The following IQSEC1 variants were observed in gnomAD, a reference collection of about 807,000 sequenced individuals.
IQSEC1 encodes IQ motif and Sec7 domain ArfGEF 1.
A neutral mutation model predicts 91.0 loss-of-function variants in IQSEC1; 31 were observed. The ratio of observed to expected loss-of-function variants is 0.34; its 90% CI spans 0.26 to 0.46. The LOEUF is 0.46. IQSEC1 is among the 20% of genes least tolerant of loss of function. IQSEC1 has a pLI of 1.00. For synonymous variants in IQSEC1, 699 were observed against 662.6 expected, an observed-to-expected ratio of 1.05 and a Z score of -0.84; for missense variants, 1,388 against 1,575.6, an observed-to-expected ratio of 0.88 and a Z score of 2.02.
chr3:13,209,328 A>T (rs1694401998), intron 1 of IQSEC1, among the ~76,000 whole-genome samples: 1 of 152,130 alleles, frequency 6.6e-6, no homozygotes, highest in Non-Finnish European at 1.5e-5. Flanking sequence ...TCCCTCTCCA[A>T]TACGGTAAAT....
At chr3:12,964,015 C>T (rs1466897391) in intron 1 of IQSEC1, among the ~76,000 whole-genome samples, 2 of 152,226 alleles carry the variant, frequency 1.3e-5, no homozygotes, top group East Asian at 3.8e-4. Context: ...AGGCAGGCAT[C>T]GGGGTACTAG....
rs1166659846 is a variant in IQSEC1 at position 12,901,494 on chromosome 3, C to T, written c.2834G>A (p.Arg945His). Residue 945 changes from arginine (R) to histidine (H), a missense_variant, in exon 14 of 14, where the codon CGC (arginine) becomes CAC (histidine). By Grantham distance (29) the Arg-to-His change is conservative. This residue lies in a region of IQSEC1 where 329 missense variants were observed against 257.8 expected (regional missense o/e 1.28). Transcript: ENST00000613206. ...EGSIISSPHM[R>H]RRATSTRECP... ...CTCTCGTGTTGATGTAGCTCTCCGG[C>T]GCATGTGAGGACTGCTAATGATGGA... The T allele has an allele frequency of 9.7e-6, 15 of 1,549,794 alleles. No individual in the cohort carries two copies. Among genetic ancestry groups the T allele is most frequent in the East Asian group, 2.4e-5 (1 of 40,922 alleles).
chr3:13,162,830 G>A (rs1707202436), intron 2 of IQSEC1, among the ~76,000 whole-genome samples: 1 of 152,086 alleles, frequency 6.6e-6, no homozygotes, highest in South Asian at 2.1e-4. Flanking sequence ...ACCTCAGGCT[G>A]CAAGGGGCCT....
chr3:13,041,427 G>C (rs147165546), intron 1 of IQSEC1, among the ~76,000 whole-genome samples: 3 of 152,168 alleles, frequency 2.0e-5, no homozygotes, highest in African/African-American at 7.2e-5. Context: ...AAGAAGAAAA[G>C]CTCCCACACT....
chr3:13,033,807 C>T (rs998683866), intron 1 of IQSEC1, among the ~76,000 whole-genome samples: 1 of 152,174 alleles, frequency 6.6e-6, no homozygotes, highest in Non-Finnish European at 1.5e-5. Flanking sequence ...AAGAGGACCA[C>T]CCAGCCTGGG....
chr3:13,136,634 G>T (rs1191052702), intron 2 of IQSEC1, among the ~76,000 whole-genome samples: 1 of 152,192 alleles, frequency 6.6e-6, no homozygotes, highest in Non-Finnish European at 1.5e-5. Context: ...CCGAGAGGAG[G>T]AAACAGGGAC....
chr3:12,935,527 T>C lies in IQSEC1; in HGVS notation c.1489A>G (p.Asn497Asp), dbSNP rs1698087859. 4.3e-6 allele frequency: 7 copies of C among 1,614,086 alleles called. No individual in the cohort carries two copies. The highest frequency in any genetic ancestry group is 5.9e-6 in the Non-Finnish European group (7 of 1,179,966). ...SKQTYHKEAR[N>D]SWDSPAFSND... Reference sequence around the variant, plus strand: ...CTAAAGGCAGGCGAGTCCCAGCTGTTGCGGGCCTCCTTGTGGTAGGTCTGC... The same window carrying C: ...CTAAAGGCAGGCGAGTCCCAGCTGTCGCGGGCCTCCTTGTGGTAGGTCTGC... The change falls in exon 3 of 14, where the codon AAC becomes GAC. Residue 497 changes from asparagine (N) to aspartate (D), a missense_variant. Transcript: ENST00000613206. This position sits in a 1 kb window ranked among gnomAD's most constrained non-coding sequence, Gnocchi z 8.0.
At chr3:13,243,451 C>T (rs1435402471) in intron 1 of IQSEC1, among the ~76,000 whole-genome samples, 1 of 152,182 alleles carries the variant, frequency 6.6e-6, no homozygotes, top group East Asian at 1.9e-4. Context: ...TTTGAGAATA[C>T]ACTGCAGACA....
At position 13,211,125 on chromosome 3, in the gene IQSEC1, T is replaced by C. The variant is rs1694436959; in HGVS notation, c.273-46992A>G. ...GTGCAGTAAAGGTGTGTCGGATGAC[T>C]GAGTGATCTCCACCCTCATGGAGCT... On this transcript the variant is annotated intron_variant, in intron 1 of 15. Transcript: ENST00000648114. The surrounding 1 kb of genome is among the most constrained non-coding windows in gnomAD (Gnocchi z 5.3). 6.6e-6 allele frequency among the ~76,000 whole-genome samples: 1 copy of C among 152,212 alleles called. No individual in the cohort carries two copies. The highest frequency in any genetic ancestry group is 2.4e-5 in the African/African-American group (1 of 41,460).
chr3:13,269,819 T>C (rs2125143074), intron 1 of IQSEC1, among the ~76,000 whole-genome samples: 1 of 152,330 alleles, frequency 6.6e-6, no homozygotes, highest in East Asian at 1.9e-4. Flanking sequence ...CTCTGCAAAT[T>C]GTCCCTCCTT....
chr3:13,055,019 T>TGAGAAGGC (rs1037221653), intron 1 of IQSEC1, among the ~76,000 whole-genome samples: 2 of 152,124 alleles, frequency 1.3e-5, no homozygotes, highest in African/African-American at 4.8e-5. Flanking sequence ...TCCCAAGCCC[T>TGAGAAGGC]CAGAAGGCCA....
At chr3:13,141,423 C>T (rs905797962) in intron 2 of IQSEC1, among the ~76,000 whole-genome samples, 25 of 152,204 alleles carry the variant, frequency 1.6e-4, no homozygotes, top group African/African-American at 4.8e-4. Flanking sequence ...CCCGGGGAGT[C>T]CAGAGTGCCC....
chr3:12,957,287 A>G (rs1699968527), intron 1 of IQSEC1, among the ~76,000 whole-genome samples: 1 of 152,036 alleles, frequency 6.6e-6, no homozygotes. Flanking sequence ...TACTTTCTTC[A>G]TTAACCATTC....
chr3:13,010,985 C>CA (rs1237585102), intron 1 of IQSEC1, among the ~76,000 whole-genome samples: 2 of 152,234 alleles, frequency 1.3e-5, no homozygotes, highest in Admixed American at 1.3e-4. Flanking sequence ...GAAGCCTCCC[C>CA]ACACTTCCTC....
chr3:13,118,458 C>T (rs1340417093), intron 2 of IQSEC1, among the ~76,000 whole-genome samples: 3 of 152,172 alleles, frequency 2.0e-5, no homozygotes, highest in African/African-American at 7.2e-5. Context: ...TCCATATATA[C>T]AACAGAGTAT....
chr3:13,173,645 C>G (rs1036922211), intron 1 of IQSEC1, among the ~76,000 whole-genome samples: 2 of 152,176 alleles, frequency 1.3e-5, no homozygotes, highest in African/African-American at 4.8e-5. Context: ...TGCATGAGGA[C>G]CCCAACCCCC....
At position 12,922,306 on chromosome 3, in the gene IQSEC1, C is replaced by T. The variant is rs1210253201; in HGVS notation, c.1731-64G>A. ...GCAGGTGCGACACGCCCAGCCCACC[C>T]CCAGGTGGTGGTGCCTGAAGCCCTG... On this transcript the variant is annotated intron_variant, in intron 4 of 13. Transcript: ENST00000613206. This position sits in a 1 kb window ranked among gnomAD's most constrained non-coding sequence, Gnocchi z 5.1. 5.5e-6 allele frequency: 8 copies of T among 1,457,118 alleles called. No individual in the cohort carries two copies. The East Asian group carries it at 1.6e-4, about 28-fold the overall frequency. 90.3% of individuals were successfully genotyped at this position (1,457,118 alleles called of 1,614,324 possible).
At chr3:13,079,571 C>T (rs1705617306) in intron 2 of IQSEC1, among the ~76,000 whole-genome samples, 1 of 152,218 alleles carries the variant, frequency 6.6e-6, no homozygotes, top group African/African-American at 2.4e-5. Flanking sequence ...GAACATCCCA[C>T]CTTGGACCTG....
rs1051296671 is a variant in IQSEC1 at position 12,901,023 on chromosome 3, C to G, written c.3305G>C (p.Ser1102Thr). 2.6e-6 allele frequency: 4 copies of G among 1,510,340 alleles called. No individual in the cohort carries two copies. The highest frequency in any genetic ancestry group is 2.0e-5 in the Admixed American group (1 of 49,756). The allele number at this position is 1,510,340 out of a possible 1,614,324, so 93.6% of individuals were successfully genotyped here. A position where few individuals can be genotyped will look rare whatever the true frequency, so the allele number is the denominator to read the frequency against. ...GATGCCGCTGGGTTTGGCCTTGCTG[C>G]TGGTGGGGGGCGGCGGGGCAGGGGG... Reference protein sequence around the residue: ...GQPPAPPPPTSSKAKPSGIST... With the variant: ...GQPPAPPPPTTSKAKPSGIST... Residue 1102 changes from serine (S) to threonine (T), a missense_variant, in exon 14 of 14, where the codon AGC becomes ACC. Around this residue, in one of 2 missense-constraint regions of IQSEC1, gnomAD observed 329 missense variants for 257.8 expected, o/e 1.28. Transcript: ENST00000613206.
Sources: allele counts gnomAD v4.1 joint callset (sites outside exome capture counted in the v4.1 genomes callset), GRCh38; gene constraint gnomAD v4.1.1; regional missense constraint gnomAD v4.1.1; non-coding constraint Gnocchi (gnomAD v3.1); transcripts MANE v1.5; gene names NCBI Gene and HGNC (gene_info 2026-07-23, HGNC 2026-07-21).